UVRAG: variants seen among roughly 807,000 people sequenced by gnomAD.
UVRAG encodes the protein UV radiation resistance-associated gene protein.
A neutral mutation model predicts 78.0 loss-of-function variants in UVRAG; 19 were observed. The ratio of observed to expected loss-of-function variants is 0.24; its 90% CI spans 0.17 to 0.36. UVRAG has a LOEUF of 0.36. Ranked by LOEUF, UVRAG falls within the 10% of genes least tolerant of loss-of-function variation. The pLI is 1.00. For synonymous variants in UVRAG, 323 were observed against 324.6 expected, an observed-to-expected ratio of 1.00 and a Z score of 0.05; for missense variants, 740 against 853.8, an observed-to-expected ratio of 0.87 and a Z score of 1.66.
chr11:75,962,834 G>A (rs950295534), intron 7 of UVRAG, among the ~76,000 whole-genome samples: 37 of 152,076 alleles, frequency 2.4e-4, no homozygotes, highest in African/African-American at 8.7e-4. Context: ...ATTAATTGTT[G>A]CATTAAATGA....
At chr11:75,822,562 G>A (rs544883469) in intron 1 of UVRAG, among the ~76,000 whole-genome samples, 2 of 151,996 alleles carry the variant, frequency 1.3e-5, no homozygotes, top group East Asian at 1.9e-4. Flanking sequence ...ACTTCTTACC[G>A]ACTGGCTATA....
chr11:75,909,343 G>C (rs754220107), intron 5 of UVRAG, among the ~76,000 whole-genome samples: 3 of 152,072 alleles, frequency 2.0e-5, no homozygotes, highest in Non-Finnish European at 4.4e-5. Flanking sequence ...AATTAACTGG[G>C]TATGGTGTTG....
At chr11:76,059,432 T>G (rs1951040294) in intron 12 of UVRAG, among the ~76,000 whole-genome samples, 2 of 152,214 alleles carry the variant, frequency 1.3e-5, no homozygotes, top group African/African-American at 4.8e-5. Context: ...GGCTAGGTAG[T>G]AAGCAAATTG....
intron 14 of UVRAG, among the ~76,000 whole-genome samples, chr11:76,132,303 T>G (rs1033594214): frequency 1.3e-5 from 2 of 151,350 alleles, no homozygotes; most frequent in Non-Finnish European, 3.0e-5. Context: ...TTTAAAAGTC[T>G]TTTTTTTTCT....
intron 8 of UVRAG, among the ~76,000 whole-genome samples, chr11:75,991,639 A>G (rs1949608300): frequency 6.6e-6 from 1 of 152,160 alleles, no homozygotes. Context: ...CTGATTCCAA[A>G]ACTGTCAATC....
intron 12 of UVRAG, among the ~76,000 whole-genome samples, chr11:76,060,972 G>A (rs1478865976): frequency 6.6e-6 from 1 of 152,262 alleles, no homozygotes; most frequent in Non-Finnish European, 1.5e-5. Flanking sequence ...GGACTGGCAG[G>A]CAGCTCCACC....
intron 12 of UVRAG, among the ~76,000 whole-genome samples, chr11:76,017,553 TAACAA>T (rs1950171945): frequency 6.6e-6 from 1 of 152,042 alleles, no homozygotes; most frequent in African/African-American, 2.4e-5. Flanking sequence ...CAAGAAGCAC[TAACAA>T]AACAGAATGA....
chr11:76,001,680 C>T (rs1949817442), intron 8 of UVRAG, among the ~76,000 whole-genome samples: 1 of 152,182 alleles, frequency 6.6e-6, no homozygotes, highest in Non-Finnish European at 1.5e-5. Context: ...ATGGCAGCAT[C>T]TCACAAGGAC....
chr11:76,026,884 C>G (rs759955408), intron 12 of UVRAG, among the ~76,000 whole-genome samples: 4 of 151,940 alleles, frequency 2.6e-5, no homozygotes, highest in Non-Finnish European at 4.4e-5. Flanking sequence ...CTTGAAAAAT[C>G]TCTGTTCATG....
chr11:76,020,799 G>A (rs559617299), intron 12 of UVRAG, among the ~76,000 whole-genome samples: 2 of 151,950 alleles, frequency 1.3e-5, no homozygotes, highest in African/African-American at 4.8e-5. Context: ...CCTAGGAATT[G>A]CAGTCTTCAC....
intron 4 of UVRAG, among the ~76,000 whole-genome samples, chr11:75,885,025 A>C (rs577304846): frequency 8.9e-4 from 135 of 152,092 alleles, no homozygotes; most frequent in South Asian, 1.0e-3. Flanking sequence ...TCCATTTATA[A>C]AAATTTTCTT....
At chr11:76,137,247 CG>C in intron 14 of UVRAG, 1 of 438,898 alleles carries the variant, frequency 2.3e-6, no homozygotes, top group Admixed American at 2.6e-5. Flanking sequence ...GTGGCCACTG[CG>C]GGCAGGGGCA....
In UVRAG at chr11:76,143,040, A is replaced by G. The variant is rs1034287079; in HGVS notation, c.*1627A>G. On this transcript the variant is annotated 3_prime_UTR_variant, in exon 15 of 15. Transcript: ENST00000356136. ...TCTGCAGAAGCCCATCTTCCTCCACATGAAGAAGTGGGGCTCCTTCACCTA... is the reference window on the plus strand; with the variant it reads ...TCTGCAGAAGCCCATCTTCCTCCACGTGAAGAAGTGGGGCTCCTTCACCTA... The G allele has an allele frequency of 2.0e-5, 3 of 152,216 alleles. No homozygotes were observed. Among genetic ancestry groups the G allele is most frequent in the African/African-American group, 4.8e-5 (2 of 41,446 alleles). 9.4% of individuals were successfully genotyped at this position (152,216 alleles called of 1,614,324 possible).
intron 6 of UVRAG, among the ~76,000 whole-genome samples, chr11:75,951,332 T>C (rs72999576): frequency 0.059 from 1,119 of 18,812 alleles, 8 homozygotes; most frequent in Middle Eastern, 0.33. Flanking sequence ...GAAATGTGTG[T>C]GTGTGTGTGT....
intron 12 of UVRAG, among the ~76,000 whole-genome samples, chr11:76,034,479 G>A (rs183860530): frequency 3.3e-5 from 5 of 152,260 alleles, no homozygotes; most frequent in East Asian, 3.9e-4. Flanking sequence ...GATTACAGTC[G>A]TGAGCTACCC....
intron 6 of UVRAG, among the ~76,000 whole-genome samples, chr11:75,944,409 A>G (rs1948548698): frequency 6.6e-6 from 1 of 152,182 alleles, no homozygotes; most frequent in African/African-American, 2.4e-5. Context: ...AAGCTAAATG[A>G]CAGAAAAGAT....
At chr11:75,957,570 CAAA>C (rs199704176) in intron 6 of UVRAG, among the ~76,000 whole-genome samples, 1 of 150,612 alleles carries the variant, frequency 6.6e-6, no homozygotes, top group Non-Finnish European at 1.5e-5. Flanking sequence ...TAATTTCTGT[CAAA>C]AAAAAATCCT....
chr11:75,888,968 G>A (rs2134929698), intron 5 of UVRAG, 65 bp downstream of exon 5: 1 of 1,339,430 alleles, frequency 7.5e-7, no homozygotes, highest in Non-Finnish European at 1.0e-6. Flanking sequence ...GGTGTACAGG[G>A]TAGATATAAT....
At chr11:75,916,634 GCA>G (rs1947862823) in intron 6 of UVRAG, 1 of 152,238 alleles carries the variant, frequency 6.6e-6, no homozygotes, top group Non-Finnish European at 1.5e-5. Context: ...AGGTTTTGCA[GCA>G]AAGAAAGAGT....
Sources: gnomAD v4.1 joint callset for allele counts (sites outside exome capture counted in the v4.1 genomes callset) on GRCh38, gnomAD v4.1.1 for gene constraint, MANE v1.5 for transcripts, NCBI Gene and HGNC (gene_info 2026-07-23, HGNC 2026-07-21) for gene names.